The following NNMT variants were observed in gnomAD, a reference collection of about 807,000 sequenced individuals.
NNMT encodes nicotinamide N-methyltransferase.
A neutral mutation model predicts 11.7 loss-of-function variants in NNMT; 10 were observed. That is an observed-to-expected ratio of 0.85 (90% CI 0.53 to 1.45). The LOEUF is 1.45. Ranked by LOEUF, NNMT falls within the 40% of genes most tolerant of loss-of-function variation. The pLI is 0.00. For missense variants in NNMT, 381 were observed against 319.4 expected (o/e 1.19, Z -1.47); for synonymous variants, 143 against 133.8 (o/e 1.07, Z -0.48).
intron 1 of NNMT, among the ~76,000 whole-genome samples, chr11:114,261,045 G>T (rs1945076482): frequency 6.6e-6 from 1 of 152,222 alleles, no homozygotes; most frequent in South Asian, 2.1e-4. Context: ...ACACCACGAT[G>T]CTATAAACGT....
chr11:114,308,381 C>T (rs1454751318), intron 2 of NNMT, among the ~76,000 whole-genome samples: 1 of 152,106 alleles, frequency 6.6e-6, no homozygotes, highest in Non-Finnish European at 1.5e-5. Flanking sequence ...CAGGGAGATT[C>T]TGATGCACTG....
chr11:114,275,627 G>C (rs1264180294), intron 2 of NNMT, among the ~76,000 whole-genome samples: 6 of 152,282 alleles, frequency 3.9e-5, no homozygotes, highest in East Asian at 3.9e-4. Context: ...TTCTGTGAGT[G>C]TGTGTATGGC....
At position 114,312,470 on chromosome 11, in the gene NNMT, C is replaced by T. The variant is rs1322969395; in HGVS notation, c.788C>T (p.Pro263Leu). 1.2e-6 allele frequency: 2 copies of T among 1,611,838 alleles called. No individual in the cohort carries two copies. The highest frequency in any genetic ancestry group is 4.5e-5 in the East Asian group (2 of 44,836). ...CTGGTGGCGAGGAAGCTGAGCAGAC[C>T]CCTGTGATGCCTGTGACCTCAATTA... ...FSLVARKLSR[P>L]L Residue 263 changes from proline (P) to leucine (L), a missense_variant, in exon 3 of 3, where the codon CCC becomes CTC. Coordinates refer to ENST00000299964, the MANE Select transcript of NNMT (RefSeq NM_006169.3).
Position 114,305,396 on chromosome 11 carries a change from C to T in NNMT, c.363-6649C>T, listed in dbSNP as rs368303315. On this transcript the variant is annotated intron_variant, in intron 2 of 2. Transcript: ENST00000299964. ...TAAGTTCTAGGGTACATGTGCACAA[C>T]GTGCAGGTTTGTTACTTATGTATAC... Among the ~76,000 whole-genome samples, 384 of 151,564 alleles carry T rather than the reference C, an allele frequency of 2.5e-3. 2 individuals carry two copies. The highest frequency in any genetic ancestry group is 0.01 in the South Asian group (50 of 4,790).
At chr11:114,294,110 G>C (rs1471117553), upstream of NNMT, among the ~76,000 whole-genome samples, 2 of 152,158 alleles carry the variant, frequency 1.3e-5, no homozygotes, top group African/African-American at 4.8e-5. Context: ...CAGAGATAGA[G>C]AGTAGAAGGA....
chr11:114,311,832 C>T (rs1945551571), intron 2 of NNMT, among the ~76,000 whole-genome samples: 1 of 152,162 alleles, frequency 6.6e-6, no homozygotes, highest in African/African-American at 2.4e-5. Flanking sequence ...ACATACTATT[C>T]ACTTTATGAA....
chr11:114,290,361 G>A (rs181513220), intron 2 of NNMT, among the ~76,000 whole-genome samples: 14 of 151,824 alleles, frequency 9.2e-5, no homozygotes, highest in African/African-American at 3.1e-4. Context: ...ATCTTCTTTC[G>A]AATTGATAGT....
chr11:114,312,369 C>T lies in NNMT; in HGVS notation c.687C>T (p.Gly229=), dbSNP rs763637747. Residue 229 remains glycine (G), a synonymous_variant, in exon 3 of 3, where the codon GGC becomes GGT. Coordinates refer to ENST00000299964, the MANE Select transcript of NNMT (RefSeq NM_006169.3). ...TAGAGGCTGCTGTGAAAGAGGCTGG[C>T]TACACAATCGAATGGTTTGAGGTGA... ...EAVEAAVKEA[G]YTIEWFEVIS... is the part of the protein sequence containing the mutation. The T allele has an allele frequency of 1.2e-6, 2 of 1,614,102 alleles. No homozygotes were observed. The highest frequency in any genetic ancestry group is 2.2e-5 in the East Asian group (1 of 44,900).
chr11:114,289,732 A>T (rs1279160994), intron 2 of NNMT, among the ~76,000 whole-genome samples: 1 of 152,192 alleles, frequency 6.6e-6, no homozygotes, highest in African/African-American at 2.4e-5. Context: ...AGCCCTTTGA[A>T]ATATGTTGAG....
chr11:114,261,304 G>A (rs1017981690), intron 1 of NNMT, among the ~76,000 whole-genome samples: 2 of 152,116 alleles, frequency 1.3e-5, no homozygotes. Context: ...CCTTGGGGCC[G>A]GGCGCGGTGG....
chr11:114,296,389 T>C (rs116572317), upstream of NNMT: 275 of 647,452 alleles, frequency 4.2e-4, no homozygotes, highest in African/African-American at 4.4e-3. Flanking sequence ...TTGTGGTCTA[T>C]TTCTCTGTTA....
intron 2 of NNMT, among the ~76,000 whole-genome samples, chr11:114,285,381 T>A (rs1243978138): frequency 6.6e-6 from 1 of 152,086 alleles, no homozygotes; most frequent in African/African-American, 2.4e-5. Context: ...TGCAGCCTCA[T>A]TTTTACCCCA....
chr11:114,268,222 G>T (rs1259360726), intron 2 of NNMT, among the ~76,000 whole-genome samples: 1 of 152,172 alleles, frequency 6.6e-6, no homozygotes, highest in African/African-American at 2.4e-5. Context: ...CAGTGACCTT[G>T]TTTCCTCTTA....
chr11:114,299,771 T>A (rs1945419554), intron 2 of NNMT, among the ~76,000 whole-genome samples: 1 of 150,632 alleles, frequency 6.6e-6, no homozygotes, highest in South Asian at 2.1e-4. Flanking sequence ...GTCCTTTTTA[T>A]CTTGGTTGTC....
chr11:114,283,435 A>G (rs1195824197), intron 2 of NNMT, among the ~76,000 whole-genome samples: 1 of 152,228 alleles, frequency 6.6e-6, no homozygotes, highest in Non-Finnish European at 1.5e-5. Flanking sequence ...CACACATTTT[A>G]CCAAAATGCA....
intron 1 of NNMT, among the ~76,000 whole-genome samples, chr11:114,260,656 C>A (rs1314587183): frequency 1.3e-5 from 2 of 152,160 alleles, no homozygotes; most frequent in Admixed American, 1.3e-4. Context: ...CCCTCAAATC[C>A]CCTGAGGCAG....
intron 2 of NNMT, among the ~76,000 whole-genome samples, chr11:114,291,125 A>G (rs1945331093): frequency 6.6e-6 from 1 of 152,246 alleles, no homozygotes; most frequent in Non-Finnish European, 1.5e-5. Context: ...TAAAGCACAT[A>G]TAGAACAGTA....
In NNMT at chr11:114,312,114, T is replaced by C; in HGVS notation, c.432T>C (p.Thr144=). The part of the protein sequence containing the change: ...AVKQVLKCDV[T]QSQPLGAVPL... ...AGCAGGTGCTGAAGTGTGATGTGAC[T>C]CAGAGCCAGCCACTGGGGGCCGTCC... Residue 144 remains threonine, a synonymous_variant, in exon 3 of 3, where the codon ACT becomes ACC. Coordinates refer to ENST00000299964, the MANE Select transcript of NNMT (RefSeq NM_006169.3). 1 of 1,613,094 alleles carries C rather than the reference T, an allele frequency of 6.2e-7. No individual in the cohort carries two copies. The highest frequency in any genetic ancestry group is 8.5e-7 in the Non-Finnish European group (1 of 1,179,324).
At chr11:114,275,347 G>T (rs1945206197) in intron 2 of NNMT, among the ~76,000 whole-genome samples, 1 of 152,196 alleles carries the variant, frequency 6.6e-6, no homozygotes. Flanking sequence ...AGCTCACTTT[G>T]TATTAATAGT....
Sources: allele counts gnomAD v4.1 joint callset (sites outside exome capture counted in the v4.1 genomes callset), GRCh38; gene constraint gnomAD v4.1.1; transcripts MANE v1.5; gene names NCBI Gene and HGNC (gene_info 2026-07-23, HGNC 2026-07-21).